Variants in VAT1L observed in about 807,000 individuals in gnomAD.
VAT1L encodes vesicle amine transport 1 like.
In VAT1L, 34 loss-of-function variants were observed where a neutral mutation model predicts 44.1. That is an observed-to-expected ratio of 0.77 (90% CI 0.59 to 1.03). VAT1L has a LOEUF of 1.03. Among genes scored for constraint, VAT1L ranks in the 50% least tolerant of loss-of-function variants. The pLI, the probability that VAT1L is intolerant of heterozygous loss-of-function variation, is 0.00. For missense variants in VAT1L, 615 were observed against 538.8 expected (o/e 1.14, Z -1.40); for synonymous variants, 253 against 202.2 (o/e 1.25, Z -2.13).
At chr16:77,851,970 A>T (rs2016812829) in intron 3 of VAT1L, among the ~76,000 whole-genome samples, 1 of 152,118 alleles carries the variant, frequency 6.6e-6, no homozygotes, top group Non-Finnish European at 1.5e-5. Flanking sequence ...AAATGGCAAG[A>T]GCAGGATCAG....
chr16:77,788,868 C>G lies in VAT1L; in HGVS notation c.186C>G (p.Ala62=), dbSNP rs566986575. 19 of 1,568,588 alleles carry G rather than the reference C, an allele frequency of 1.2e-5. No individual in the cohort carries two copies. In the South Asian group the frequency reaches 2.2e-4, roughly 19 times the overall value. ...ACAAGCTGCGGCTCTTCAGGAAGGC[C>G]ATGCCCGAGCCTCAGGACGGCGAGC... ...GLNKLRLFRK[A]MPEPQDGELK... is the part of the protein sequence containing the mutation. Residue 62 remains alanine (A), a synonymous_variant, in exon 1 of 9, where the codon GCC becomes GCG. Coordinates refer to ENST00000302536, the MANE Select transcript of VAT1L (RefSeq NM_020927.3).
intron 1 of VAT1L, among the ~76,000 whole-genome samples, chr16:77,798,526 A>G (rs2015980371): frequency 6.6e-6 from 1 of 152,216 alleles, no homozygotes; most frequent in Admixed American, 6.5e-5. Context: ...TTGTTGAATG[A>G]ATGAATAAAT....
At chr16:77,873,109 T>A (rs570425626) in intron 4 of VAT1L, among the ~76,000 whole-genome samples, 1 of 152,344 alleles carries the variant, frequency 6.6e-6, no homozygotes, top group South Asian at 2.1e-4. Flanking sequence ...ATTGGCTGCT[T>A]CTCAGAGCTG....
intron 7 of VAT1L, among the ~76,000 whole-genome samples, chr16:77,886,902 T>A (rs2017214957): frequency 6.6e-6 from 1 of 152,198 alleles, no homozygotes; most frequent in African/African-American, 2.4e-5. Flanking sequence ...CTACCATATA[T>A]GTGTGTGTAT....
In VAT1L at chr16:77,879,585, T is replaced by A. The variant is rs542927476; in HGVS notation, c.882+361T>A. ...ACAGGCGTGAGCCACCGCACCCAGC[T>A]GTGAGCTCTTCTATCATAAGGCATT... On this transcript the variant is annotated intron_variant, in intron 6 of 8. Transcript: ENST00000302536. This position sits in a 1 kb window ranked among gnomAD's most constrained non-coding sequence, Gnocchi z 4.1. Among the ~76,000 whole-genome samples, 3 of 152,188 alleles carry A rather than the reference T, an allele frequency of 2.0e-5. No homozygotes were observed. Among genetic ancestry groups the A allele is most frequent in the African/African-American group, 7.2e-5 (3 of 41,442 alleles).
chr16:77,937,773 G>C (rs753665802), intron 7 of VAT1L, among the ~76,000 whole-genome samples: 3 of 152,208 alleles, frequency 2.0e-5, no homozygotes, highest in Admixed American at 2.0e-4. Flanking sequence ...TCCTTGAAAA[G>C]GCGAGTTGAA....
chr16:77,938,970 G>A (rs1020335660), intron 7 of VAT1L, among the ~76,000 whole-genome samples: 2 of 152,098 alleles, frequency 1.3e-5, no homozygotes, highest in Non-Finnish European at 2.9e-5. Flanking sequence ...TGTGACCCTG[G>A]ATCTTCTGTC....
intron 7 of VAT1L, among the ~76,000 whole-genome samples, chr16:77,952,129 A>T (rs551885609): frequency 6.6e-6 from 1 of 152,182 alleles, no homozygotes; most frequent in South Asian, 2.1e-4. Flanking sequence ...TTTTGAAGGG[A>T]TGGTTCCCAA....
chr16:77,869,954 C>A (rs1419966731), intron 4 of VAT1L, among the ~76,000 whole-genome samples: 2 of 152,154 alleles, frequency 1.3e-5, no homozygotes, highest in Non-Finnish European at 2.9e-5. Flanking sequence ...CAATGCCTGG[C>A]ACATAATAGG....
chr16:77,926,774 C>A (rs1262067522), intron 7 of VAT1L, among the ~76,000 whole-genome samples: 6 of 152,146 alleles, frequency 3.9e-5, no homozygotes, highest in African/African-American at 1.2e-4. Flanking sequence ...CTGGCTGAGC[C>A]TTTGTTTCCA....
chr16:77,874,178 G>A (rs1043091376), intron 4 of VAT1L, among the ~76,000 whole-genome samples: 16 of 152,082 alleles, frequency 1.1e-4, no homozygotes, highest in Admixed American at 4.6e-4. Context: ...TATTGGTGAG[G>A]CTGCTTCTGA....
intron 7 of VAT1L, among the ~76,000 whole-genome samples, chr16:77,915,811 AG>A (rs1413822291): frequency 2.6e-5 from 4 of 152,206 alleles, no homozygotes; most frequent in Non-Finnish European, 5.9e-5. Flanking sequence ...ATCATATACA[AG>A]ATGTGTATTT....
At position 77,977,605 on chromosome 16, in the gene VAT1L, T is replaced by G; in HGVS notation, c.1170T>G (p.Asn390Lys). ...VEKTPTPLMA[N>K]DSTETSEAGE... ...CCTCTTTTGAATTACAGATGGCCAA[T>G]GACAGCACAGAGACCAGTGAAGCAG... is the stretch of plus-strand genomic sequence containing the variant. Residue 390 changes from asparagine to lysine, a missense_variant, in exon 9 of 9, where the codon AAT becomes AAG. Asn to Lys is a moderately conservative substitution (Grantham distance 94). Coordinates refer to ENST00000302536, the MANE Select transcript of VAT1L (RefSeq NM_020927.3). The G allele has an allele frequency of 6.2e-7, 1 of 1,613,964 alleles. No individual in the cohort carries two copies. Among genetic ancestry groups the G allele is most frequent in the Non-Finnish European group, 8.5e-7 (1 of 1,179,952 alleles).
At chr16:77,874,280 A>G (rs576691197) in intron 4 of VAT1L, among the ~76,000 whole-genome samples, 1 of 152,178 alleles carries the variant, frequency 6.6e-6, no homozygotes, top group East Asian at 1.9e-4. Flanking sequence ...TGGGCTGGTA[A>G]AAGCAGACCA....
At chr16:77,913,898 G>A (rs986845911) in intron 7 of VAT1L, among the ~76,000 whole-genome samples, 1 of 152,182 alleles carries the variant, frequency 6.6e-6, no homozygotes, top group African/African-American at 2.4e-5. Flanking sequence ...CGAACCTCAT[G>A]AGGATATGCA....
intron 7 of VAT1L, among the ~76,000 whole-genome samples, chr16:77,963,684 T>G (rs2018189416): frequency 6.7e-6 from 1 of 148,460 alleles, no homozygotes; most frequent in African/African-American, 2.5e-5. Flanking sequence ...AGTCACACAG[T>G]CAGAGAATGC....
chr16:77,975,696 C>T (rs56044923), intron 8 of VAT1L, among the ~76,000 whole-genome samples: 33,323 of 152,178 alleles, frequency 0.22, 4,123 homozygotes, highest in East Asian at 0.45. Flanking sequence ...GGAGTCTCTC[C>T]TGCTGAAAGC....
chr16:77,916,543 T>C (rs1457291456), intron 7 of VAT1L, among the ~76,000 whole-genome samples: 2 of 152,190 alleles, frequency 1.3e-5, no homozygotes, highest in Non-Finnish European at 2.9e-5. Context: ...TCTCAAACTC[T>C]TGGCCTCAAG....
intron 1 of VAT1L, among the ~76,000 whole-genome samples, chr16:77,814,867 T>C (rs2016325272): frequency 6.6e-6 from 1 of 152,206 alleles, no homozygotes; most frequent in Non-Finnish European, 1.5e-5. Context: ...CTTCCTAAAA[T>C]ATATCACATA....
Sources: allele counts gnomAD v4.1 joint callset (sites outside exome capture counted in the v4.1 genomes callset), GRCh38; gene constraint gnomAD v4.1.1; non-coding constraint Gnocchi (gnomAD v3.1); transcripts MANE v1.5; gene names NCBI Gene and HGNC (gene_info 2026-07-23, HGNC 2026-07-21).